Variants in CHL1 observed in about 807,000 individuals in gnomAD.
The protein encoded by CHL1 is neural cell adhesion molecule L1-like protein.
Under a neutral mutation model 141.9 loss-of-function variants are expected in CHL1, and 96 were observed. The ratio of observed to expected loss-of-function variants is 0.68; its 90% confidence interval spans 0.57 to 0.80. The LOEUF is 0.80. Among genes scored for constraint, CHL1 ranks in the 30% least tolerant of loss-of-function variants. The pLI, the probability that CHL1 is intolerant of heterozygous loss-of-function variation, is 0.00. For synonymous variants in CHL1, 613 were observed against 502.2 expected, an observed-to-expected ratio of 1.22 and a Z score of -2.95; for missense variants, 1,820 against 1,457.2, an observed-to-expected ratio of 1.25 and a Z score of -4.05.
chr3:333,734 G>A (rs1701645099), intron 5 of CHL1, among the ~76,000 whole-genome samples: 1 of 152,120 alleles, frequency 6.6e-6, no homozygotes, highest in Admixed American at 6.5e-5. Context: ...TCCTGTGCAT[G>A]TATATGGTGA....
At chr3:322,533 C>T (rs1034785606) in intron 3 of CHL1, among the ~76,000 whole-genome samples, 3 of 150,010 alleles carry the variant, frequency 2.0e-5, no homozygotes, top group Non-Finnish European at 3.0e-5. Flanking sequence ...GAGGGCTGGG[C>T]GTGGTGTCTC....
intron 6 of CHL1, 101 bp from the exon 7 acceptor site, chr3:341,811 G>C: frequency 6.6e-6 from 7 of 1,055,800 alleles, no homozygotes; most frequent in Non-Finnish European, 9.2e-6. Flanking sequence ...GAGCAAACAG[G>C]AAAAACCAAA....
At chr3:259,656 A>G (rs1487178099) in intron 2 of CHL1, among the ~76,000 whole-genome samples, 1 of 151,988 alleles carries the variant, frequency 6.6e-6, no homozygotes, top group African/African-American at 2.4e-5. Context: ...ATTACTTCCA[A>G]GCATTTTATA....
At chr3:233,251 T>A (rs542408467) in intron 1 of CHL1, among the ~76,000 whole-genome samples, 1 of 152,286 alleles carries the variant, frequency 6.6e-6, no homozygotes, top group African/African-American at 2.4e-5. Flanking sequence ...CTTTTTATTA[T>A]CTATTGCTTG....
intron 1 of CHL1, among the ~76,000 whole-genome samples, chr3:228,127 C>T (rs1438190459): frequency 6.6e-6 from 1 of 152,130 alleles, no homozygotes; most frequent in Non-Finnish European, 1.5e-5. Flanking sequence ...AGAACCAGGA[C>T]TCAGAAGTTA....
chr3:290,942 A>C lies in CHL1; in HGVS notation c.-94-28741A>C, dbSNP rs866114127. ...TAGAATGAGACTCTGTCTCAAAAAA[A>C]AAAAAAAGAAAGAAAGAAAAAGAAA... On this transcript the variant is annotated intron_variant, in intron 2 of 27. Transcript: ENST00000256509. Among the ~76,000 whole-genome samples the C allele has an allele frequency of 9.1e-3, 1,376 of 151,912 alleles. 29 individuals carry two copies. The highest frequency in any genetic ancestry group is 0.032 in the African/African-American group (1,309 of 41,508).
At chr3:293,677 A>C (rs1697917157) in intron 2 of CHL1, among the ~76,000 whole-genome samples, 1 of 152,146 alleles carries the variant, frequency 6.6e-6, no homozygotes, top group South Asian at 2.1e-4. Flanking sequence ...TGCAACTTTC[A>C]CTTTTGTTCT....
At chr3:300,028 T>C (rs775838106) in intron 2 of CHL1, among the ~76,000 whole-genome samples, 6 of 152,182 alleles carry the variant, frequency 3.9e-5, no homozygotes, top group Admixed American at 2.0e-4. Flanking sequence ...GAAAGATAAA[T>C]TGCTTACCAA....
chr3:250,700 T>C (rs1693608258), intron 2 of CHL1, among the ~76,000 whole-genome samples: 1 of 152,110 alleles, frequency 6.6e-6, no homozygotes, highest in African/African-American at 2.4e-5. Flanking sequence ...GTGGCATATT[T>C]TGGGGTGTCA....
intron 27 of CHL1, among the ~76,000 whole-genome samples, chr3:405,209 T>G (rs952693825): frequency 2.0e-5 from 3 of 152,200 alleles, no homozygotes; most frequent in African/African-American, 7.2e-5. Flanking sequence ...GAATCCCACA[T>G]GTCCTACAGA....
intron 2 of CHL1, among the ~76,000 whole-genome samples, chr3:301,969 A>G (rs904547648): frequency 2.0e-5 from 3 of 151,356 alleles, no homozygotes; most frequent in Admixed American, 6.6e-5. Flanking sequence ...TCCTTGTTCA[A>G]CTCCCACTTA....
chr3:342,524 G>A (rs891269840), intron 7 of CHL1, among the ~76,000 whole-genome samples: 1 of 152,152 alleles, frequency 6.6e-6, no homozygotes, highest in East Asian at 1.9e-4. Flanking sequence ...ACTTGATTCT[G>A]TGGAGGCCAG....
At chr3:275,741 C>G (rs147151327) in intron 2 of CHL1, among the ~76,000 whole-genome samples, 24 of 152,144 alleles carry the variant, frequency 1.6e-4, no homozygotes, top group African/African-American at 5.5e-4. Context: ...AATGAGAAAT[C>G]TTTATTTGCT....
chr3:214,068 G>A (rs989716111), intron 1 of CHL1, among the ~76,000 whole-genome samples: 2 of 152,096 alleles, frequency 1.3e-5, no homozygotes, highest in South Asian at 2.1e-4. Context: ...TTGCTTAATC[G>A]CTTCACAGAA....
chr3:297,057 G>A (rs1411688047), intron 2 of CHL1, among the ~76,000 whole-genome samples: 1 of 151,818 alleles, frequency 6.6e-6, no homozygotes, highest in Non-Finnish European at 1.5e-5. Flanking sequence ...TAGAGGATGG[G>A]GAGATAATAC....
intron 5 of CHL1, among the ~76,000 whole-genome samples, chr3:330,652 G>C (rs1456993469): frequency 1.3e-5 from 2 of 152,072 alleles, no homozygotes; most frequent in Admixed American, 1.3e-4. Context: ...TTCTCAATGG[G>C]TTGATATATA....
At chr3:207,312 C>T (rs1017830660) in intron 1 of CHL1, among the ~76,000 whole-genome samples, 1 of 152,196 alleles carries the variant, frequency 6.6e-6, no homozygotes, top group African/African-American at 2.4e-5. Context: ...GATCCCACTT[C>T]CTTGGATTAT....
intron 2 of CHL1, among the ~76,000 whole-genome samples, chr3:299,586 G>A (rs1343518899): frequency 6.6e-6 from 1 of 152,162 alleles, no homozygotes; most frequent in Non-Finnish European, 1.5e-5. Flanking sequence ...TGACAGATTA[G>A]GAGGATGTAA....
At chr3:305,305 A>G (rs1210428461) in intron 2 of CHL1, among the ~76,000 whole-genome samples, 1 of 152,162 alleles carries the variant, frequency 6.6e-6, no homozygotes, top group Non-Finnish European at 1.5e-5. Flanking sequence ...CGACAGTATT[A>G]TCTTTGGAAT....
Sources: gnomAD v4.1 joint callset for allele counts (sites outside exome capture counted in the v4.1 genomes callset) on GRCh38, gnomAD v4.1.1 for gene constraint, MANE v1.5 for transcripts, NCBI Gene and HGNC (gene_info 2026-07-23, HGNC 2026-07-21) for gene names.